The following SLC35F2 variants were observed in gnomAD, a reference collection of about 807,000 sequenced individuals.
SLC35F2 encodes the protein queuine/queuosine transporter SLC35F2.
SLC35F2 carries 25 observed loss-of-function variants against 38.1 expected under a neutral mutation model. The ratio of observed to expected loss-of-function variants is 0.66; its 90% CI spans 0.48 to 0.92. The LOEUF (loss-of-function observed/expected upper bound fraction) is 0.92, where lower values mean the gene tolerates loss of function less well. SLC35F2 is among the 40% of genes least tolerant of loss of function. The pLI is 0.00. For synonymous variants in SLC35F2, 173 were observed against 181.7 expected (o/e 0.95, Z 0.38); for missense variants, 409 against 452.9 (o/e 0.90, Z 0.88).
Position 107,811,811 on chromosome 11 carries a change from T to C in SLC35F2, c.287-17A>G, listed in dbSNP as rs367870688. On this transcript the variant is annotated splice_polypyrimidine_tract_variant and intron_variant, in intron 2 of 7. Transcript: ENST00000525815. ...TATCACTGCCTGGTTGAAAGAAATA[T>C]GGGTTAGTACATGTTACTTGCAAAT... 2.2e-5 allele frequency: 35 copies of C among 1,611,642 alleles called. No homozygotes were observed. Among genetic ancestry groups the C allele is most frequent in the African/African-American group, 1.2e-4 (9 of 74,900 alleles).
At chr11:107,824,397 G>C in intron 1 of SLC35F2, among the ~76,000 whole-genome samples, 1 of 152,086 alleles carries the variant, frequency 6.6e-6, no homozygotes, top group Non-Finnish European at 1.5e-5. Context: ...ATGTTACAGT[G>C]GAAAAAATAC....
intron 2 of SLC35F2, among the ~76,000 whole-genome samples, chr11:107,812,379 T>C (rs912668050): frequency 2.6e-5 from 4 of 152,266 alleles, no homozygotes; most frequent in Admixed American, 6.5e-5. Flanking sequence ...AGTGGTTAAA[T>C]TCCCTTTCCC....
chr11:107,793,878 C>T (rs1859173799), intron 7 of SLC35F2, among the ~76,000 whole-genome samples: 1 of 151,864 alleles, frequency 6.6e-6, no homozygotes, highest in Non-Finnish European at 1.5e-5. Context: ...GGTGACCTTC[C>T]CCAACTTTCC....
chr11:107,805,365 A>G lies in SLC35F2; in HGVS notation c.725T>C (p.Ile242Thr), dbSNP rs1241815244. The stretch of plus-strand genomic sequence containing the variant: ...AAAAATTGTAGAATCTTACAGCTGT[A>G]TACCACTGATAATTGTTCCAAACAG... ...VGLFGTIISG[I>T]QLLIVEYKDI... is the part of the protein sequence containing the mutation. The change falls in exon 5 of 8, where the codon ATA (isoleucine) becomes ACA (threonine). Residue 242 changes from isoleucine (I) to threonine (T), a missense_variant. By Grantham distance (89) the Ile-to-Thr change is moderately conservative. Coordinates refer to ENST00000525815, the MANE Select transcript of SLC35F2 (RefSeq NM_017515.5). 4 of 1,613,332 alleles carry G rather than the reference A, an allele frequency of 2.5e-6. No individual in the cohort carries two copies. Among genetic ancestry groups the G allele is most frequent in the Non-Finnish European group, 3.4e-6 (4 of 1,179,780 alleles).
intron 1 of SLC35F2, among the ~76,000 whole-genome samples, chr11:107,853,396 A>G (rs1305012355): frequency 2.0e-5 from 3 of 152,150 alleles, no homozygotes; most frequent in African/African-American, 7.2e-5. Flanking sequence ...AGCCTAGAAC[A>G]TTACAGATGT....
At chr11:107,858,137 A>G (rs1386198674) in intron 1 of SLC35F2, among the ~76,000 whole-genome samples, 2 of 152,202 alleles carry the variant, frequency 1.3e-5, no homozygotes, top group Non-Finnish European at 2.9e-5. Context: ...GCTCAGGCCC[A>G]GGAAGAGAGA....
rs918126843 is a variant in SLC35F2 at position 107,802,928 on chromosome 11, A to G, written c.939+73T>C. On this transcript the variant is annotated intron_variant, in intron 7 of 7. Transcript: ENST00000525815. Reference sequence around the variant, plus strand: ...GAGAAGGTTTTATTTTTTGATCTAGAGTCTTGAAGAAACCTGCTACGTTTT... The same window carrying G: ...GAGAAGGTTTTATTTTTTGATCTAGGGTCTTGAAGAAACCTGCTACGTTTT... 784 of 1,374,804 alleles carry G rather than the reference A, an allele frequency of 5.7e-4. 2 individuals carry two copies. Among genetic ancestry groups the G allele is most frequent in the Non-Finnish European group, 3.4e-4 (352 of 1,023,652 alleles). The allele number at this position is 1,374,804 out of a possible 1,614,324, so 85.2% of individuals were successfully genotyped here.
intron 1 of SLC35F2, among the ~76,000 whole-genome samples, chr11:107,843,888 T>C (rs866457079): frequency 1.2e-5 from 1 of 85,298 alleles, no homozygotes; most frequent in Non-Finnish European, 2.6e-5. Flanking sequence ...TATATATATA[T>C]ATATATATAT....
At chr11:107,803,647 CATTAA>C (rs1859350210) in intron 6 of SLC35F2, 2 of 355,366 alleles carry the variant, frequency 5.6e-6, no homozygotes, top group African/African-American at 2.2e-5. Context: ...TTGTTCATCT[CATTAA>C]ATTAAGTGCT....
intron 1 of SLC35F2, among the ~76,000 whole-genome samples, chr11:107,819,306 CA>C (rs1244991454): frequency 1.3e-5 from 2 of 152,126 alleles, no homozygotes; most frequent in African/African-American, 2.4e-5. Flanking sequence ...CTGGTACTCT[CA>C]AAAGTAAGGA....
chr11:107,792,161 C>CGAAAAAAAAAAA lies in SLC35F2; in HGVS notation c.*453_*454insTTTTTTTTTTTC, dbSNP rs767622537. On this transcript the variant is annotated 3_prime_UTR_variant, in exon 8 of 8. Transcript: ENST00000525815. Reference sequence around the variant, plus strand: ...GGCCTGTGGACAATAACTGCCTCAGCAAAAAAAAAAAAAAAAAAAAACCTT... The same window carrying CGAAAAAAAAAAA: ...GGCCTGTGGACAATAACTGCCTCAGCGAAAAAAAAAAAAAAAAAAAAAAAAAAAAAAAACCTT... The CGAAAAAAAAAAA allele has an allele frequency of 7.8e-4, 61 of 78,074 alleles. 4 individuals carry two copies. The highest frequency in any genetic ancestry group is 4.5e-3 in the East Asian group (11 of 2,442). 4.8% of individuals were successfully genotyped at this position (78,074 alleles called of 1,614,324 possible).
At chr11:107,804,881 A>C in intron 5 of SLC35F2, 111 bp from the exon 6 acceptor site, 2 of 1,178,176 alleles carry the variant, frequency 1.7e-6, no homozygotes, top group Non-Finnish European at 2.4e-6. Flanking sequence ...TGGACATTTG[A>C]ATTTGTCTTA....
At chr11:107,822,149 G>A (rs931833036) in intron 1 of SLC35F2, among the ~76,000 whole-genome samples, 12 of 152,108 alleles carry the variant, frequency 7.9e-5, no homozygotes, top group Admixed American at 2.0e-4. Flanking sequence ...AGGCTGAAGC[G>A]GGAGAATCAC....
chr11:107,840,395 G>T (rs1408518019), intron 1 of SLC35F2, among the ~76,000 whole-genome samples: 1 of 152,186 alleles, frequency 6.6e-6, no homozygotes, highest in Non-Finnish European at 1.5e-5. Context: ...AGGCAGCCAA[G>T]AAGCCACATA....
intron 1 of SLC35F2, among the ~76,000 whole-genome samples, chr11:107,828,466 AT>A (rs1859788848): frequency 6.6e-6 from 1 of 151,592 alleles, no homozygotes. Flanking sequence ...AATACTAAAA[AT>A]TTTTTTTAAC....
rs147462810 is a variant in SLC35F2, at chr11:107,835,613, A to G, written c.111-19648T>C. Among the ~76,000 whole-genome samples the G allele has an allele frequency of 9.7e-3, 1,474 of 152,094 alleles. 33 individuals carry two copies. Among genetic ancestry groups the G allele is most frequent in the African/African-American group, 0.034 (1,414 of 41,494 alleles). On this transcript the variant is annotated intron_variant, in intron 1 of 7. Transcript: ENST00000525815. ...CCCAGCTAATTTTTTTATTTTTAGTAGAGACAGGGTTTCACCATGTTCCCC... is the reference window on the plus strand; with the variant it reads ...CCCAGCTAATTTTTTTATTTTTAGTGGAGACAGGGTTTCACCATGTTCCCC...
At chr11:107,847,007 G>C (rs983023574) in intron 1 of SLC35F2, among the ~76,000 whole-genome samples, 3 of 151,822 alleles carry the variant, frequency 2.0e-5, no homozygotes, top group African/African-American at 7.3e-5. Flanking sequence ...TGTGTGAAAT[G>C]ATTTGTTCTC....
At chr11:107,810,044 A>G in intron 3 of SLC35F2, 1 of 985,428 alleles carries the variant, frequency 1.0e-6, no homozygotes, top group African/African-American at 1.7e-5. Context: ...AATCCTTAAG[A>G]AGAAGGTTCA....
At chr11:107,823,755 C>T (rs535023897) in intron 1 of SLC35F2, among the ~76,000 whole-genome samples, 2 of 151,826 alleles carry the variant, frequency 1.3e-5, no homozygotes, top group South Asian at 4.2e-4. Context: ...ATGGCAAAAC[C>T]CCATATCTAC....
Sources: gnomAD v4.1 joint callset for allele counts (sites outside exome capture counted in the v4.1 genomes callset) on GRCh38, gnomAD v4.1.1 for gene constraint, MANE v1.5 for transcripts, NCBI Gene and HGNC (gene_info 2026-07-23, HGNC 2026-07-21) for gene names.